Variants in CNTNAP2 observed in about 807,000 individuals in gnomAD.
The protein encoded by CNTNAP2 is contactin associated protein 2.
A neutral mutation model predicts 155.2 loss-of-function variants in CNTNAP2; 98 were observed. The observed-to-expected ratio is 0.63, with a 90% CI of 0.54 to 0.75. The LOEUF (loss-of-function observed/expected upper bound fraction) is 0.75. Ranked by LOEUF, CNTNAP2 falls within the 30% of genes least tolerant of loss-of-function variation. The probability of loss-of-function intolerance (pLI) is 0.00; values close to 1 mark genes in which losing one functional copy is unlikely to be tolerated. For synonymous variants in CNTNAP2, 651 were observed against 631.2 expected (o/e 1.03, Z -0.47); for missense variants, 1,727 against 1,688.1 (o/e 1.02, Z -0.40).
chr7:147,094,126 T>C (rs112942508), intron 4 of CNTNAP2, among the ~76,000 whole-genome samples: 24 of 152,262 alleles, frequency 1.6e-4, no homozygotes, highest in African/African-American at 5.3e-4. Flanking sequence ...CCTCTATACA[T>C]TGCCCTAGAA....
intron 10 of CNTNAP2, among the ~76,000 whole-genome samples, chr7:147,403,627 C>T (rs993648796): frequency 2.6e-5 from 4 of 152,126 alleles, no homozygotes; most frequent in Non-Finnish European, 5.9e-5. Flanking sequence ...ACTTACAATG[C>T]CTCTGTTTTG....
intron 3 of CNTNAP2, among the ~76,000 whole-genome samples, chr7:147,019,288 G>T (rs771964233): frequency 1.3e-5 from 2 of 151,790 alleles, no homozygotes; most frequent in Non-Finnish European, 2.9e-5. Context: ...TGTCTCCTTG[G>T]GCTTGTCTTA....
At chr7:147,749,175 T>C (rs1486541130) in intron 13 of CNTNAP2, among the ~76,000 whole-genome samples, 2 of 152,238 alleles carry the variant, frequency 1.3e-5, no homozygotes, top group Non-Finnish European at 2.9e-5. Context: ...TGGCAAATTT[T>C]TCTTGCATTG....
intron 1 of CNTNAP2, among the ~76,000 whole-genome samples, chr7:146,324,704 A>G (rs1348870648): frequency 6.6e-6 from 1 of 152,040 alleles, no homozygotes. Flanking sequence ...AACTTTGAAA[A>G]TGTTTCTTCC....
intron 1 of CNTNAP2, among the ~76,000 whole-genome samples, chr7:146,344,240 A>G (rs1386420552): frequency 2.6e-5 from 4 of 152,192 alleles, no homozygotes; most frequent in Non-Finnish European, 2.9e-5. Context: ...GCTCTAAACT[A>G]TCTTTACTAG....
At chr7:147,462,364 A>C (rs892698966) in intron 10 of CNTNAP2, among the ~76,000 whole-genome samples, 3 of 152,204 alleles carry the variant, frequency 2.0e-5, no homozygotes, top group African/African-American at 7.2e-5. Context: ...TTTCATTTAT[A>C]AACAAGAATG....
intron 20 of CNTNAP2, among the ~76,000 whole-genome samples, chr7:148,257,767 C>T (rs1322099631): frequency 6.6e-6 from 1 of 152,150 alleles, no homozygotes; most frequent in African/African-American, 2.4e-5. Flanking sequence ...GTCTCCCCAT[C>T]GATGTGGTCT....
intron 2 of CNTNAP2, among the ~76,000 whole-genome samples, chr7:146,812,437 A>G (rs1803083112): frequency 7.0e-6 from 1 of 142,874 alleles, no homozygotes; most frequent in Admixed American, 6.9e-5. Context: ...ATGTATATAT[A>G]TATAAAAAAT....
chr7:147,200,060 TCCC>T (rs923794740), intron 8 of CNTNAP2, among the ~76,000 whole-genome samples: 2 of 138,226 alleles, frequency 1.4e-5, no homozygotes, highest in African/African-American at 5.5e-5. Context: ...AGTTTCCCCC[TCCC>T]CCTCCCCCTC....
At chr7:148,038,490 T>A (rs1563176783) in intron 15 of CNTNAP2, among the ~76,000 whole-genome samples, 2 of 152,292 alleles carry the variant, frequency 1.3e-5, no homozygotes, top group South Asian at 2.1e-4. Context: ...CCATAGCATC[T>A]AATTCTATTT....
intron 11 of CNTNAP2, among the ~76,000 whole-genome samples, chr7:147,489,217 A>G (rs1256835954): frequency 6.6e-6 from 1 of 152,120 alleles, no homozygotes; most frequent in African/African-American, 2.4e-5. Context: ...CTTTGTTTTT[A>G]CGTAAATTAT....
intron 15 of CNTNAP2, among the ~76,000 whole-genome samples, chr7:148,026,442 C>T (rs1173281710): frequency 6.6e-6 from 1 of 151,986 alleles, no homozygotes; most frequent in African/African-American, 2.4e-5. Flanking sequence ...CAGAACAAGA[C>T]CCCGTCTCAA....
chr7:147,155,997 C>T (rs758378634), intron 8 of CNTNAP2, among the ~76,000 whole-genome samples: 2 of 152,032 alleles, frequency 1.3e-5, no homozygotes, highest in Non-Finnish European at 2.9e-5. Flanking sequence ...GATTAAAGGA[C>T]CATTTTTGTG....
At chr7:146,475,011 G>GCACACACA (rs535358520) in intron 1 of CNTNAP2, among the ~76,000 whole-genome samples, 16 of 134,764 alleles carry the variant, frequency 1.2e-4, no homozygotes, top group African/African-American at 4.1e-4. Flanking sequence ...GCGCGCGCGC[G>GCACACACA]CGCACACACA....
At chr7:148,007,262 T>C (rs1445512771) in intron 15 of CNTNAP2, among the ~76,000 whole-genome samples, 1 of 149,044 alleles carries the variant, frequency 6.7e-6, no homozygotes, top group Non-Finnish European at 1.5e-5. Flanking sequence ...ATGTAGGACT[T>C]CGTTGTACTT....
intron 21 of CNTNAP2, among the ~76,000 whole-genome samples, chr7:148,377,593 G>A (rs1279426680): frequency 1.5e-5 from 1 of 67,196 alleles, no homozygotes; most frequent in Non-Finnish European, 4.2e-5. Context: ...TGAATACGCT[G>A]AAGACCTCCC....
chr7:146,550,309 A>G (rs1187595369), intron 1 of CNTNAP2, among the ~76,000 whole-genome samples: 1 of 151,448 alleles, frequency 6.6e-6, no homozygotes, highest in African/African-American at 2.4e-5. Context: ...CTCATCATTG[A>G]CATTAAAAGG....
chr7:147,422,469 A>AT (rs1563198812), intron 10 of CNTNAP2, among the ~76,000 whole-genome samples: 3 of 152,014 alleles, frequency 2.0e-5, no homozygotes, highest in Admixed American at 2.0e-4. Context: ...CCCTTATGCA[A>AT]TTTTTTACTC....
At chr7:148,332,070 G>T (rs73154526) in intron 21 of CNTNAP2, among the ~76,000 whole-genome samples, 1 of 151,246 alleles carries the variant, frequency 6.6e-6, no homozygotes. Flanking sequence ...AGAAATTGCT[G>T]TCATCGTTTT....
Sources: gnomAD v4.1 joint callset for allele counts (sites outside exome capture counted in the v4.1 genomes callset) on GRCh38, gnomAD v4.1.1 for gene constraint, MANE v1.5 for transcripts, NCBI Gene and HGNC (gene_info 2026-07-23, HGNC 2026-07-21) for gene names.